The following GORASP1 variants were observed in gnomAD, a reference collection of about 807,000 sequenced individuals.
GORASP1 encodes Golgi reassembly-stacking protein 1.
In GORASP1, 31 loss-of-function variants were observed where a neutral mutation model predicts 37.7. The observed-to-expected ratio is 0.82, with a 90% CI of 0.62 to 1.11. The LOEUF is 1.11. Ranked by LOEUF, GORASP1 falls within the 50% of genes least tolerant of loss-of-function variation. The probability of loss-of-function intolerance (pLI) is 0.00; values close to 1 mark genes in which losing one functional copy is unlikely to be tolerated. For synonymous variants in GORASP1, 204 were observed against 224.8 expected (o/e 0.91, Z 0.83); for missense variants, 476 against 560.7 (o/e 0.85, Z 1.53).
chr3:39,102,941 C>T lies in GORASP1; in HGVS notation c.145-60G>A, dbSNP rs997125855. ...TCATGCCCAGGCTAGGACCCTCAGACAAGTCTGGGCCTGAGATGGGGCAAG... is the reference window on the plus strand; with the variant it reads ...TCATGCCCAGGCTAGGACCCTCAGATAAGTCTGGGCCTGAGATGGGGCAAG... On this transcript the variant is annotated intron_variant, in intron 2 of 8. Coordinates refer to ENST00000319283, the MANE Select transcript of GORASP1 (RefSeq NM_031899.4). This position sits in a 1 kb window ranked among gnomAD's most constrained non-coding sequence, Gnocchi z 5.0. 4.6e-6 allele frequency: 7 copies of T among 1,520,372 alleles called. No homozygotes were observed. The highest frequency in any genetic ancestry group is 1.1e-5 in the South Asian group (1 of 89,196). The allele number at this position is 1,520,372 out of a possible 1,614,324, so 94.2% of individuals were successfully genotyped here.
chr3:39,098,216 C>T lies in GORASP1; in HGVS notation c.*20G>A. The T allele has an allele frequency of 6.2e-7, 1 of 1,609,568 alleles. No homozygotes were observed. Among genetic ancestry groups the T allele is most frequent in the Non-Finnish European group, 8.5e-7 (1 of 1,177,448 alleles). The stretch of plus-strand genomic sequence containing the variant: ...GGGCCTCATGAAATGTCATCATGGG[C>T]CTTGTCACAGCCCAGGGTGTTATTC... On this transcript the variant is annotated 3_prime_UTR_variant, in exon 9 of 9. Coordinates refer to ENST00000319283, the MANE Select transcript of GORASP1 (RefSeq NM_031899.4). This position sits in a 1 kb window ranked among gnomAD's most constrained non-coding sequence, Gnocchi z 4.7.
intron 1 of GORASP1, chr3:39,107,206 G>A (rs762321085): frequency 1.1e-4 from 57 of 537,296 alleles, no homozygotes; most frequent in Non-Finnish European, 3.6e-5. Flanking sequence ...CATTCCCGGC[G>A]GCCGGACCAG....
rs181370388 is a variant in GORASP1, at chr3:39,099,681, G to T, written c.766-178C>A. Reference sequence around the variant, plus strand: ...CTATTGGTGATAGGAAGTCAGGCCTGAGGGGCCTGGCCTGGCCTCCCTGCA... The same window carrying T: ...CTATTGGTGATAGGAAGTCAGGCCTTAGGGGCCTGGCCTGGCCTCCCTGCA... On this transcript the variant is annotated intron_variant, in intron 6 of 8. Transcript: ENST00000319283. Among the ~76,000 whole-genome samples the T allele has an allele frequency of 3.9e-5, 6 of 152,188 alleles. No individual in the cohort carries two copies. In the South Asian group the frequency reaches 1.2e-3, roughly 32 times the overall value.
chr3:39,103,218 G>A lies in GORASP1; in HGVS notation c.144+255C>T, dbSNP rs997073273. 9 of 587,998 alleles carry A rather than the reference G, an allele frequency of 1.5e-5. No individual in the cohort carries two copies. The highest frequency in any genetic ancestry group is 2.7e-5 in the Non-Finnish European group (9 of 330,584). 36.4% of individuals were successfully genotyped at this position (587,998 alleles called of 1,614,324 possible). On this transcript the variant is annotated intron_variant, in intron 2 of 8. Coordinates refer to ENST00000319283, the MANE Select transcript of GORASP1 (RefSeq NM_031899.4). The surrounding 1 kb of genome is among the most constrained non-coding windows in gnomAD (Gnocchi z 5.2). ...GGCCCTCATATCCCTCATGCCCCAG[G>A]AGGCAGGCCCCTTGGGCCTTGTTGC...
rs1232544250 is a variant in GORASP1, at chr3:39,105,420, G to T, written c.64-1867C>A. ...TAAGGGCTGGTTGGCTGAGTGCCAG[G>T]GCATGGCACCACCTCACCTGCTTTA... On this transcript the variant is annotated intron_variant, in intron 1 of 8. Coordinates refer to ENST00000319283, the MANE Select transcript of GORASP1 (RefSeq NM_031899.4). This position sits in a 1 kb window ranked among gnomAD's most constrained non-coding sequence, Gnocchi z 5.4. 6.6e-6 allele frequency among the ~76,000 whole-genome samples: 1 copy of T among 152,032 alleles called. No homozygotes were observed. Among genetic ancestry groups the T allele is most frequent in the East Asian group, 1.9e-4 (1 of 5,186 alleles).
rs1431348485 is a variant in GORASP1, at chr3:39,105,309, T to C, written c.64-1756A>G. 1.3e-5 allele frequency among the ~76,000 whole-genome samples: 2 copies of C among 152,034 alleles called. No homozygotes were observed. The highest frequency in any genetic ancestry group is 2.1e-4 in the South Asian group (1 of 4,818). ...CATCACAGCCTGCCCCAAGGCCCTA[T>C]AGTGCTGCTTTTCCTCATGCTCCCA... On this transcript the variant is annotated intron_variant, in intron 1 of 8. Transcript: ENST00000319283. This position sits in a 1 kb window ranked among gnomAD's most constrained non-coding sequence, Gnocchi z 5.4.
chr3:39,100,622 C>A lies in GORASP1; in HGVS notation c.567-119G>T. Reference sequence around the variant, plus strand: ...AAAAGGGTACTTCTGAAATACCGGTCAGCCTCAGGATCCCTGGGCCCAGGG... The same window carrying A: ...AAAAGGGTACTTCTGAAATACCGGTAAGCCTCAGGATCCCTGGGCCCAGGG... On this transcript the variant is annotated intron_variant, in intron 5 of 8. Transcript: ENST00000319283. This position sits in a 1 kb window ranked among gnomAD's most constrained non-coding sequence, Gnocchi z 4.6. The A allele has an allele frequency of 1.4e-6, 2 of 1,479,508 alleles. No homozygotes were observed. Among genetic ancestry groups the A allele is most frequent in the South Asian group, 2.6e-5 (2 of 75,704 alleles). 91.6% of individuals were successfully genotyped at this position (1,479,508 alleles called of 1,614,324 possible).
chr3:39,103,619 C>A lies in GORASP1; in HGVS notation c.64-66G>T, dbSNP rs748166387. The A allele has an allele frequency of 1.6e-6, 2 of 1,267,312 alleles. No homozygotes were observed. The highest frequency in any genetic ancestry group is 2.2e-6 in the Non-Finnish European group (2 of 894,984). 78.5% of individuals were successfully genotyped at this position (1,267,312 alleles called of 1,614,324 possible). A position where few individuals can be genotyped will look rare whatever the true frequency, so the allele number is the denominator to read the frequency against. On this transcript the variant is annotated intron_variant, in intron 1 of 8. Coordinates refer to ENST00000319283, the MANE Select transcript of GORASP1 (RefSeq NM_031899.4). This position sits in a 1 kb window ranked among gnomAD's most constrained non-coding sequence, Gnocchi z 5.2. ...GGACTCTCCAAGTAGCCCTCTCCCC[C>A]ATTTCAGGAACCATCAGCACTCCCA... is the stretch of plus-strand genomic sequence containing the variant.
At position 39,102,756 on chromosome 3, in the gene GORASP1, C is replaced by G; in HGVS notation, c.270G>C (p.Trp90Cys). The change falls in exon 3 of 9, where the codon TGG becomes TGC. Residue 90 changes from tryptophan (W) to cysteine (C), a missense_variant. By Grantham distance (215) the Trp-to-Cys change is radical (BLOSUM62 -2). Transcript: ENST00000319283. This position sits in a 1 kb window ranked among gnomAD's most constrained non-coding sequence, Gnocchi z 5.0. ...REVEVVPSNM[W>C]GGQGLLGASV... ...TGGCACCCAGTAGGCCCTGGCCGCC[C>G]CACATGTTGCTGGGCACCACCTCCA... The G allele has an allele frequency of 6.8e-6, 11 of 1,614,230 alleles. No homozygotes were observed. The highest frequency in any genetic ancestry group is 9.3e-6 in the Non-Finnish European group (11 of 1,180,034).
In GORASP1 at chr3:39,098,142, G is replaced by A. The variant is rs2035448874; in HGVS notation, c.*94C>T. On this transcript the variant is annotated 3_prime_UTR_variant, in exon 9 of 9. Coordinates refer to ENST00000319283, the MANE Select transcript of GORASP1 (RefSeq NM_031899.4). The surrounding 1 kb of genome is among the most constrained non-coding windows in gnomAD (Gnocchi z 4.7). ...TGAGGCCTCATGTCCCACCAAAGCA[G>A]CAAGGAATCCTGACCGCATAGTGCA... 2.5e-5 allele frequency: 36 copies of A among 1,446,786 alleles called. No individual in the cohort carries two copies. The highest frequency in any genetic ancestry group is 3.3e-5 in the Non-Finnish European group (35 of 1,068,832). 89.6% of individuals were successfully genotyped at this position (1,446,786 alleles called of 1,614,324 possible).
At chr3:39,104,362 C>T (rs1044135186) in intron 1 of GORASP1, among the ~76,000 whole-genome samples, 1 of 152,206 alleles carries the variant, frequency 6.6e-6, no homozygotes, top group South Asian at 2.1e-4. Flanking sequence ...AGCACAACAA[C>T]CAGGCTTTGC....
rs1259873334 is a variant in GORASP1, at chr3:39,100,387, G to C, written c.683C>G (p.Pro228Arg). The C allele has an allele frequency of 6.2e-6, 10 of 1,614,070 alleles. No individual in the cohort carries two copies. The highest frequency in any genetic ancestry group is 2.2e-5 in the East Asian group (1 of 44,880). Residue 228 changes from proline to arginine, a missense_variant, in exon 6 of 9, where the codon CCA becomes CGA. Physicochemically the swap from Pro to Arg is moderately radical, Grantham distance 103 (BLOSUM62 -2). Transcript: ENST00000319283. The surrounding 1 kb of genome is among the most constrained non-coding windows in gnomAD (Gnocchi z 4.6). ...GGGTCCAGGTGGTAGAGCATCAGGT[G>C]GTGGGGCACCAAGTGGTAGAGCAGA... ...PPSALPLGAP[P>R]PDALPPGPTP...
In GORASP1 at chr3:39,102,887, G is replaced by A. The variant is rs200716511; in HGVS notation, c.145-6C>T. 77 of 1,613,804 alleles carry A rather than the reference G, an allele frequency of 4.8e-5. No individual in the cohort carries two copies. Among genetic ancestry groups the A allele is most frequent in the South Asian group, 4.6e-4 (42 of 91,086 alleles). The stretch of plus-strand genomic sequence containing the variant: ...AGGGTGTCATTCTCCTTGTTCTGTG[G>A]GGGCAATGGGGCTGACTCCAAGGCC... On this transcript the variant is annotated splice_region_variant and splice_polypyrimidine_tract_variant and intron_variant, in intron 2 of 8. Transcript: ENST00000319283. The surrounding 1 kb of genome is among the most constrained non-coding windows in gnomAD (Gnocchi z 5.0).
At position 39,098,061 on chromosome 3, in the gene GORASP1, G is replaced by T. The variant is rs2035445024; in HGVS notation, c.*175C>A. 1 of 709,392 alleles carries T rather than the reference G, an allele frequency of 1.4e-6. No individual in the cohort carries two copies. Among genetic ancestry groups the T allele is most frequent in the Non-Finnish European group, 2.3e-6 (1 of 433,578 alleles). The allele number at this position is 709,392 out of a possible 1,614,324, so 43.9% of individuals were successfully genotyped here. ...GCAGGACCAAGCACTGGACCTGAGG[G>T]TACACGGCCAAAAGATATCCTCCCA... On this transcript the variant is annotated 3_prime_UTR_variant, in exon 9 of 9. Transcript: ENST00000319283. This position sits in a 1 kb window ranked among gnomAD's most constrained non-coding sequence, Gnocchi z 4.7.
Position 39,097,554 on chromosome 3 carries a change from G to A in GORASP1, c.*682C>T, listed in dbSNP as rs1335635206. The A allele has an allele frequency of 2.6e-5, 4 of 152,302 alleles. No homozygotes were observed. The highest frequency in any genetic ancestry group is 7.2e-5 in the African/African-American group (3 of 41,450). 9.4% of individuals were successfully genotyped at this position (152,302 alleles called of 1,614,324 possible). A position where few individuals can be genotyped will look rare whatever the true frequency, so the allele number is the denominator to read the frequency against. The stretch of plus-strand genomic sequence containing the variant: ...GACTTTTATTCACTATTGGGGCTGG[G>A]TAGATGCCTTGTATATTTAGAAGAG... On this transcript the variant is annotated 3_prime_UTR_variant, in exon 9 of 9. Coordinates refer to ENST00000319283, the MANE Select transcript of GORASP1 (RefSeq NM_031899.4).
In GORASP1 at chr3:39,100,720, C is replaced by T; in HGVS notation, c.566+27G>A. ...ATGGTCAGGCCCCACCCACCTGGCC[C>T]TGCAGCCCTCCAACCCCACGAAGTA... On this transcript the variant is annotated intron_variant, in intron 5 of 8. Transcript: ENST00000319283. This position sits in a 1 kb window ranked among gnomAD's most constrained non-coding sequence, Gnocchi z 4.6. The T allele has an allele frequency of 6.2e-7, 1 of 1,611,204 alleles. No individual in the cohort carries two copies. The highest frequency in any genetic ancestry group is 8.5e-7 in the Non-Finnish European group (1 of 1,179,410).
Position 39,103,765 on chromosome 3 carries a change from G to A in GORASP1, c.64-212C>T, listed in dbSNP as rs2035867390. 2.0e-6 allele frequency: 1 copy of A among 488,432 alleles called. No individual in the cohort carries two copies. The highest frequency in any genetic ancestry group is 2.0e-5 in the African/African-American group (1 of 50,722). 30.3% of individuals were successfully genotyped at this position (488,432 alleles called of 1,614,324 possible). A position where few individuals can be genotyped will look rare whatever the true frequency, so the allele number is the denominator to read the frequency against. Reference sequence around the variant, plus strand: ...CCTCTTAGGAAAATGGCTCCTTCCTGATTATGATCCACAGATGCTTTCAGA... The same window carrying A: ...CCTCTTAGGAAAATGGCTCCTTCCTAATTATGATCCACAGATGCTTTCAGA... On this transcript the variant is annotated intron_variant, in intron 1 of 8. Coordinates refer to ENST00000319283, the MANE Select transcript of GORASP1 (RefSeq NM_031899.4). The surrounding 1 kb of genome is among the most constrained non-coding windows in gnomAD (Gnocchi z 5.2).
chr3:39,101,630 C>T (rs1010070658), intron 3 of GORASP1: 1 of 450,248 alleles, frequency 2.2e-6, no homozygotes, highest in Non-Finnish European at 4.5e-6. Flanking sequence ...TTCCCTTCTC[C>T]CTTGGAAAGT....
Position 39,100,325 on chromosome 3 carries a change from T to C in GORASP1, c.745A>G (p.Arg249Gly). ...CATACCTCCATGTAGTCACTCTGCC[T>C]GGAACCTGTCTCCAGGGAAGGAGAG... ...EDSPSLETGS[R>G]QSDYMEALLQ... Residue 249 changes from arginine (R) to glycine (G), a missense_variant, in exon 6 of 9, where the codon AGG becomes GGG. Coordinates refer to ENST00000319283, the MANE Select transcript of GORASP1 (RefSeq NM_031899.4). This position sits in a 1 kb window ranked among gnomAD's most constrained non-coding sequence, Gnocchi z 4.6. The C allele has an allele frequency of 1.2e-6, 2 of 1,614,126 alleles. No individual in the cohort carries two copies. The highest frequency in any genetic ancestry group is 4.5e-5 in the East Asian group (2 of 44,886).
Sources: allele counts gnomAD v4.1 joint callset (sites outside exome capture counted in the v4.1 genomes callset), GRCh38; gene constraint gnomAD v4.1.1; non-coding constraint Gnocchi (gnomAD v3.1); transcripts MANE v1.5; gene names NCBI Gene and HGNC (gene_info 2026-07-23, HGNC 2026-07-21).